Variants in RFC3 observed in about 807,000 individuals in gnomAD.
RFC3 encodes the protein A1 38 kDa subunit.
RFC3 carries 41 observed loss-of-function variants against 45.1 expected under a neutral mutation model. The ratio of observed to expected loss-of-function variants is 0.91; its 90% confidence interval spans 0.71 to 1.18. The LOEUF (loss-of-function observed/expected upper bound fraction) is 1.18. Ranked by LOEUF, RFC3 falls within the 50% of genes most tolerant of loss-of-function variation. RFC3 has a pLI of 0.00. For missense variants in RFC3, 423 were observed against 428.1 expected (o/e 0.99, Z 0.10); for synonymous variants, 149 against 144.0 (o/e 1.03, Z -0.25).
chr13:33,895,949 C>T (rs2082595044), intron 8 of RFC3, among the ~76,000 whole-genome samples: 1 of 152,022 alleles, frequency 6.6e-6, no homozygotes, highest in South Asian at 2.1e-4. Flanking sequence ...TAATTTGGAA[C>T]TAACCTATGG....
At chr13:33,827,065 G>T (rs1277150932) in intron 4 of RFC3, among the ~76,000 whole-genome samples, 11 of 152,134 alleles carry the variant, frequency 7.2e-5, no homozygotes, top group African/African-American at 2.2e-4. Context: ...TTTCATCCAT[G>T]AATATGCTTT....
At chr13:33,874,961 T>G (rs114587774) in intron 8 of RFC3, among the ~76,000 whole-genome samples, 54 of 152,330 alleles carry the variant, frequency 3.5e-4, no homozygotes, top group African/African-American at 1.3e-3. Context: ...ATCCAGTGCA[T>G]GGAGTAAGGA....
chr13:33,944,810 A>T (rs2082945199), intron 8 of RFC3, among the ~76,000 whole-genome samples: 1 of 152,096 alleles, frequency 6.6e-6, no homozygotes, highest in African/African-American at 2.4e-5. Flanking sequence ...ATGAGAAGAT[A>T]TTGCCCTGGA....
Position 33,867,022 on chromosome 13 carries a change from C to T in RFC3, c.879+31805C>T, listed in dbSNP as rs932246842. Among the ~76,000 whole-genome samples, 5 of 152,130 alleles carry T rather than the reference C, an allele frequency of 3.3e-5. No individual in the cohort carries two copies. In the South Asian group the frequency reaches 6.2e-4, roughly 19 times the overall value. ...AATTGGCAAATATCTTCATAAGTTT[C>T]CTGATCTACGAAGGAAGGACTGTTA... On this transcript the variant is annotated intron_variant, in intron 8 of 8. Coordinates refer to the RFC3 transcript ENST00000434425.
chr13:33,917,076 C>T (rs1198457383), intron 8 of RFC3, among the ~76,000 whole-genome samples: 2 of 152,234 alleles, frequency 1.3e-5, no homozygotes, highest in Non-Finnish European at 2.9e-5. Context: ...AGATCTTGGA[C>T]ATAAGCTCCT....
chr13:33,849,476 ACAGT>A (rs1240179904), intron 8 of RFC3: 19 of 152,178 alleles, frequency 1.2e-4, no homozygotes, highest in African/African-American at 3.9e-4. Context: ...GGAAAATATA[ACAGT>A]CAGCTCTTGT....
At chr13:33,830,613 G>T in intron 5 of RFC3, 106 bp from the exon 6 acceptor site, 1 of 809,436 alleles carries the variant, frequency 1.2e-6, no homozygotes, top group East Asian at 2.9e-5. Context: ...TCACTTATAA[G>T]AATTTTGAGA....
intron 8 of RFC3, among the ~76,000 whole-genome samples, chr13:33,878,547 G>A (rs1433389421): frequency 1.3e-5 from 2 of 152,134 alleles, no homozygotes; most frequent in Non-Finnish European, 2.9e-5. Context: ...AGCAGGTATG[G>A]GGTAGAAAGG....
At chr13:33,905,142 C>G (rs1238478134) in intron 8 of RFC3, among the ~76,000 whole-genome samples, 1 of 151,412 alleles carries the variant, frequency 6.6e-6, no homozygotes, top group African/African-American at 2.4e-5. Flanking sequence ...CACATTTTAA[C>G]ATCTCTGAAA....
intron 7 of RFC3, among the ~76,000 whole-genome samples, chr13:33,831,952 G>A (rs1174744626): frequency 6.6e-6 from 1 of 152,188 alleles, no homozygotes; most frequent in Admixed American, 6.5e-5. Flanking sequence ...AGATGACCAT[G>A]CGTTCTACTA....
At chr13:33,883,527 A>G (rs1242558793) in intron 8 of RFC3, among the ~76,000 whole-genome samples, 1 of 151,994 alleles carries the variant, frequency 6.6e-6, no homozygotes, top group East Asian at 1.9e-4. Flanking sequence ...CACACACACA[A>G]ACACTCACAC....
At chr13:33,946,473 A>G (rs1029867010) in intron 8 of RFC3, among the ~76,000 whole-genome samples, 13 of 152,190 alleles carry the variant, frequency 8.5e-5, no homozygotes, top group African/African-American at 3.1e-4. Context: ...TTTCCATATT[A>G]TAAATTAAAA....
chr13:33,908,286 A>C (rs1207784534), intron 8 of RFC3, among the ~76,000 whole-genome samples: 4 of 151,954 alleles, frequency 2.6e-5, no homozygotes, highest in Non-Finnish European at 5.9e-5. Context: ...GAGGTTCAGC[A>C]TTTGGAAACC....
At chr13:33,882,229 C>G (rs2082489808) in intron 8 of RFC3, among the ~76,000 whole-genome samples, 1 of 152,212 alleles carries the variant, frequency 6.6e-6, no homozygotes, top group East Asian at 1.9e-4. Flanking sequence ...GTGCTATGAA[C>G]TAAACTATAC....
intron 8 of RFC3, among the ~76,000 whole-genome samples, chr13:33,909,495 C>G (rs1384340145): frequency 1.3e-5 from 2 of 151,952 alleles, no homozygotes; most frequent in East Asian, 1.9e-4. Context: ...TCCTATTGTT[C>G]CTCTTACTTT....
chr13:33,971,653 T>G, the RFC3 span, among the ~76,000 whole-genome samples: 104 of 152,368 alleles, frequency 6.8e-4, no homozygotes, highest in Non-Finnish European at 1.1e-3. Flanking sequence ...GGGCTCTGCT[T>G]CTTCTCTGCA....
intron 8 of RFC3, among the ~76,000 whole-genome samples, chr13:33,941,784 T>A (rs1566036937): frequency 6.6e-6 from 1 of 152,098 alleles, no homozygotes; most frequent in Admixed American, 6.6e-5. Flanking sequence ...GTTGAGAGCC[T>A]CCATCCGATT....
intron 8 of RFC3, among the ~76,000 whole-genome samples, chr13:33,883,141 T>C (rs1461085234): frequency 6.6e-6 from 1 of 152,236 alleles, no homozygotes; most frequent in Non-Finnish European, 1.5e-5. Context: ...AGGCATGTAA[T>C]TGATGGGTCA....
At chr13:33,845,824 G>C (rs1576374) in intron 8 of RFC3, among the ~76,000 whole-genome samples, 118,699 of 152,120 alleles carry the variant, frequency 0.78, 48,352 homozygotes, top group Non-Finnish European at 0.92. Context: ...GGATGACCCT[G>C]CTGCTTGTAG....
Sources: allele counts gnomAD v4.1 joint callset (sites outside exome capture counted in the v4.1 genomes callset), GRCh38; gene constraint gnomAD v4.1.1; transcripts MANE v1.5; gene names NCBI Gene and HGNC (gene_info 2026-07-23, HGNC 2026-07-21).